The following KLHL20 variants were observed in gnomAD, a reference collection of about 807,000 sequenced individuals.
KLHL20 encodes the protein kelch-like protein 20.
KLHL20 carries 29 observed loss-of-function variants against 69.5 expected under a neutral mutation model. The observed-to-expected ratio is 0.42, with a 90% CI of 0.31 to 0.57. KLHL20 has a LOEUF of 0.57. KLHL20 is among the 20% of genes least tolerant of loss of function. KLHL20 has a pLI of 0.18. For synonymous variants in KLHL20, 253 were observed against 265.2 expected (o/e 0.95, Z 0.45); for missense variants, 419 against 776.0 (o/e 0.54, Z 5.47).
chr1:173,777,447 A>G (rs1341643310), intron 10 of KLHL20, among the ~76,000 whole-genome samples: 1 of 152,122 alleles, frequency 6.6e-6, no homozygotes, highest in Non-Finnish European at 1.5e-5. Context: ...CCAGTACTAT[A>G]CTGAATAACA....
intron 2 of KLHL20, among the ~76,000 whole-genome samples, chr1:173,716,354 A>G (rs941228770): frequency 6.6e-6 from 1 of 152,140 alleles, no homozygotes; most frequent in African/African-American, 2.4e-5. Flanking sequence ...ATGATACTAT[A>G]TGGATTTATT....
At chr1:173,761,450 C>T (rs1025834138) in intron 7 of KLHL20, among the ~76,000 whole-genome samples, 1 of 152,170 alleles carries the variant, frequency 6.6e-6, no homozygotes, top group Non-Finnish European at 1.5e-5. Context: ...TTCAACAGCT[C>T]ATGGAACTTT....
intron 6 of KLHL20, among the ~76,000 whole-genome samples, chr1:173,756,701 C>T (rs1673563863): frequency 6.6e-6 from 1 of 152,148 alleles, no homozygotes; most frequent in South Asian, 2.1e-4. Context: ...TATAATTTCT[C>T]CATTCTATCC....
At chr1:173,758,200 G>A (rs1193756984) in intron 7 of KLHL20, among the ~76,000 whole-genome samples, 1 of 151,990 alleles carries the variant, frequency 6.6e-6, no homozygotes, top group African/African-American at 2.4e-5. Flanking sequence ...GAGCCTGGGA[G>A]GTAAAGGTTG....
chr1:173,751,946 A>G, intron 4 of KLHL20, 24 bp downstream of exon 4: 1 of 1,607,884 alleles, frequency 6.2e-7, no homozygotes. Flanking sequence ...TTCTTCTCTA[A>G]GAAACTGCTG....
chr1:173,727,382 T>C (rs1571856163), intron 2 of KLHL20, among the ~76,000 whole-genome samples: 2 of 151,998 alleles, frequency 1.3e-5, no homozygotes, highest in Admixed American at 6.6e-5. Context: ...AACATTCAAA[T>C]TCAGGAAATA....
intron 2 of KLHL20, among the ~76,000 whole-genome samples, chr1:173,729,253 T>C (rs532816793): frequency 6.2e-4 from 95 of 152,142 alleles, no homozygotes; most frequent in African/African-American, 2.1e-3. Context: ...CCAAAAAAAG[T>C]CCAGGACCAG....
rs1021920530 is a variant in KLHL20, at chr1:173,752,232, C to G, written c.756+310C>G. On this transcript the variant is annotated intron_variant, in intron 4 of 11. Coordinates refer to ENST00000209884, the MANE Select transcript of KLHL20 (RefSeq NM_014458.4). ...GCCTGGCGACAGAGCGAGACTCCAT[C>G]TCAAAAAAAAAAAAAACTGCTTAGT... 3.4e-4 allele frequency among the ~76,000 whole-genome samples: 50 copies of G among 147,962 alleles called. 1 individual carries two copies. Among genetic ancestry groups the G allele is most frequent in the Non-Finnish European group, 8.9e-5 (6 of 67,170 alleles).
chr1:173,730,601 G>C (rs953053467), intron 2 of KLHL20, among the ~76,000 whole-genome samples: 2 of 152,014 alleles, frequency 1.3e-5, no homozygotes, highest in Non-Finnish European at 1.5e-5. Flanking sequence ...ACAAACCTGA[G>C]AAAAACAAGC....
intron 2 of KLHL20, among the ~76,000 whole-genome samples, chr1:173,728,811 A>C (rs1042173553): frequency 6.6e-6 from 1 of 152,186 alleles, no homozygotes; most frequent in Non-Finnish European, 1.5e-5. Flanking sequence ...CATCACAATT[A>C]AAAGAACTAG....
intron 2 of KLHL20, among the ~76,000 whole-genome samples, chr1:173,733,253 C>T (rs1261656796): frequency 1.3e-5 from 2 of 152,002 alleles, no homozygotes; most frequent in African/African-American, 2.4e-5. Context: ...AACTCCTGGC[C>T]TCAAGTGATA....
rs1337434730 is a variant in KLHL20, at chr1:173,775,835, G to A, written c.1631G>A (p.Arg544His). The change falls in exon 10 of 12, where the codon CGT becomes CAT. Residue 544 changes from arginine (R) to histidine (H), a missense_variant. By Grantham distance (29) the Arg-to-His change is conservative. Transcript: ENST00000209884. ...WSPVVAMTSR[R>H]SGVGLAVVNG... is the part of the protein sequence containing the mutation. ...CCAGTGGTGGCCATGACATCACGCC[G>A]TAGTGGAGTAAGTGGTTATGGACAC... The A allele has an allele frequency of 7.4e-6, 12 of 1,614,080 alleles. No individual in the cohort carries two copies. The highest frequency in any genetic ancestry group is 1.1e-5 in the South Asian group (1 of 91,078).
intron 3 of KLHL20, among the ~76,000 whole-genome samples, chr1:173,737,003 T>C (rs1672569080): frequency 6.6e-6 from 1 of 152,234 alleles, no homozygotes. Context: ...TTTCATATGT[T>C]TGTTGGCCAT....
intron 3 of KLHL20, among the ~76,000 whole-genome samples, chr1:173,746,649 A>G (rs886775220): frequency 6.6e-6 from 1 of 152,026 alleles, no homozygotes. Flanking sequence ...TTTCCTGAAT[A>G]AGTTAACTAA....
intron 11 of KLHL20, 34 bp from the exon 12 acceptor site, chr1:173,785,129 G>C: frequency 6.5e-7 from 1 of 1,545,916 alleles, no homozygotes; most frequent in Non-Finnish European, 8.9e-7. Flanking sequence ...ATATTTTCCA[G>C]TTAGAAAATA....
intron 2 of KLHL20, among the ~76,000 whole-genome samples, chr1:173,724,218 G>A (rs1671848583): frequency 6.7e-6 from 1 of 150,282 alleles, no homozygotes; most frequent in Admixed American, 6.6e-5. Flanking sequence ...TGTTGCCTAG[G>A]CATGGCAAAC....
intron 4 of KLHL20, among the ~76,000 whole-genome samples, chr1:173,752,922 A>G (rs902426848): frequency 2.0e-5 from 3 of 152,156 alleles, no homozygotes; most frequent in African/African-American, 7.2e-5. Context: ...TAATCCCAGC[A>G]CTTGGGAGGA....
chr1:173,760,053 C>T (rs955991317), intron 7 of KLHL20, among the ~76,000 whole-genome samples: 1 of 152,116 alleles, frequency 6.6e-6, no homozygotes, highest in Non-Finnish European at 1.5e-5. Context: ...ACTTTGGACA[C>T]ACTTTTAGAA....
In KLHL20 at chr1:173,743,538, T is replaced by TA. The variant is rs200554676; in HGVS notation, c.598-8213dup. ...TATGATGGTTGCAAAGTGGTGATTT[T>TA]AAAAAAAAAAAAACTCCATTTTCTG... On this transcript the variant is annotated intron_variant, in intron 3 of 11. Coordinates refer to ENST00000209884, the MANE Select transcript of KLHL20 (RefSeq NM_014458.4). Among the ~76,000 whole-genome samples the TA allele has an allele frequency of 4.3e-3, 636 of 148,886 alleles. 1 individual carries two copies. Among genetic ancestry groups the TA allele is most frequent in the Non-Finnish European group, 7.1e-3 (480 of 67,306 alleles).
Sources: allele counts gnomAD v4.1 joint callset (sites outside exome capture counted in the v4.1 genomes callset), GRCh38; gene constraint gnomAD v4.1.1; transcripts MANE v1.5; gene names NCBI Gene and HGNC (gene_info 2026-07-23, HGNC 2026-07-21).